Variants in DNAH12 observed in about 807,000 individuals in gnomAD.
The protein encoded by DNAH12 is dynein axonemal heavy chain 12.
DNAH12 carries 285 observed loss-of-function variants against 371.5 expected under a neutral mutation model. That is an observed-to-expected ratio of 0.77 (90% confidence interval 0.70 to 0.85). The LOEUF (loss-of-function observed/expected upper bound fraction) is 0.85. Among genes scored for constraint, DNAH12 ranks in the 40% least tolerant of loss-of-function variants. DNAH12 has a pLI of 0.00. For synonymous variants in DNAH12, 1,200 were observed against 1,213.0 expected (o/e 0.99, Z 0.22); for missense variants, 3,611 against 3,689.4 (o/e 0.98, Z 0.55).
chr3:57,549,516 A>AT, the DNAH12 span, among the ~76,000 whole-genome samples: 1 of 151,992 alleles, frequency 6.6e-6, no homozygotes, highest in Non-Finnish European at 1.5e-5. Flanking sequence ...GACCCAAAAA[A>AT]TTTTTTTAAA....
chr3:57,322,970 A>C, intron 64 of DNAH12, 37 bp downstream of exon 64: 3 of 1,541,632 alleles, frequency 1.9e-6, no homozygotes, highest in Non-Finnish European at 2.6e-6. Flanking sequence ...CAGATAGCTA[A>C]GTAAATGTAC....
intron 62 of DNAH12, among the ~76,000 whole-genome samples, chr3:57,326,994 C>G (rs1201851715): frequency 6.6e-6 from 1 of 152,114 alleles, no homozygotes; most frequent in East Asian, 1.9e-4. Context: ...GGGATCAATT[C>G]AACAAGAAGA....
At chr3:57,325,962 G>A (rs537151809) in intron 62 of DNAH12, among the ~76,000 whole-genome samples, 47 of 152,242 alleles carry the variant, frequency 3.1e-4, no homozygotes, top group Non-Finnish European at 5.9e-4. Context: ...GGAAGAAAGG[G>A]TATCAGTGAT....
At chr3:57,387,956 A>G (rs2063529660) in intron 45 of DNAH12, among the ~76,000 whole-genome samples, 1 of 152,086 alleles carries the variant, frequency 6.6e-6, no homozygotes, top group Non-Finnish European at 1.5e-5. Context: ...TTCATATGAC[A>G]GTTAAAAAAC....
intron 56 of DNAH12, among the ~76,000 whole-genome samples, chr3:57,367,729 T>C (rs898607007): frequency 7.9e-5 from 12 of 152,204 alleles, no homozygotes; most frequent in Middle Eastern, 6.8e-3. Flanking sequence ...ACCATCACTA[T>C]TCATAACAAC....
intron 60 of DNAH12, among the ~76,000 whole-genome samples, chr3:57,342,289 C>T (rs2062419623): frequency 6.6e-6 from 1 of 151,734 alleles, no homozygotes; most frequent in Non-Finnish European, 1.5e-5. Flanking sequence ...ACTAAAAAAG[C>T]TTCTGCACAC....
chr3:57,500,164 C>G (rs561062006), intron 11 of DNAH12, among the ~76,000 whole-genome samples: 7 of 146,682 alleles, frequency 4.8e-5, no homozygotes, highest in South Asian at 2.1e-4. Context: ...CTCAGCCCCC[C>G]CTAGTAGCTG....
At chr3:57,513,910 T>C (rs544456050) in intron 4 of DNAH12, among the ~76,000 whole-genome samples, 2 of 152,242 alleles carry the variant, frequency 1.3e-5, no homozygotes, top group African/African-American at 4.8e-5. Context: ...GAAGTCCCAC[T>C]TAGAGAAATT....
At chr3:57,522,840 T>C (rs973806628) in intron 4 of DNAH12, among the ~76,000 whole-genome samples, 2 of 137,750 alleles carry the variant, frequency 1.5e-5, no homozygotes, top group African/African-American at 5.2e-5. Context: ...AGTCAGTGTC[T>C]TTTTTTTTTT....
At chr3:57,418,340 G>A (rs2064448170) in intron 37 of DNAH12, among the ~76,000 whole-genome samples, 1 of 113,904 alleles carries the variant, frequency 8.8e-6, no homozygotes, top group African/African-American at 3.4e-5. Context: ...AGGTGTTCAA[G>A]ATGAGTCTGG....
intron 62 of DNAH12, among the ~76,000 whole-genome samples, chr3:57,324,618 G>C (rs553361260): frequency 7.9e-5 from 12 of 152,134 alleles, no homozygotes; most frequent in Non-Finnish European, 1.3e-4. Flanking sequence ...GAACAGCTCC[G>C]GTCTACAGCT....
intron 11 of DNAH12, 28 bp from the exon 12 acceptor site, chr3:57,489,715 A>C: frequency 6.8e-7 from 1 of 1,477,436 alleles, no homozygotes; most frequent in Non-Finnish European, 8.9e-7. Flanking sequence ...AAATGAAAAA[A>C]AAAATGTTTA....
In DNAH12 at chr3:57,502,403, A is replaced by C. The variant is rs781405803; in HGVS notation, c.1163T>G (p.Val388Gly). 6.8e-5 allele frequency: 109 copies of C among 1,614,042 alleles called. No individual in the cohort carries two copies. Among genetic ancestry groups the C allele is most frequent in the South Asian group, 2.5e-4 (23 of 91,088 alleles). ...VNLDTELPEHVLHWAVDTLKA... is the reference protein window; with the variant it reads ...VNLDTELPEHGLHWAVDTLKA... ...CAGTGTATCAACAGCCCAGTGTAAC[A>C]CGTGTTCAGGAAGTTCTGTGTCAAG... Residue 388 changes from valine to glycine, a missense_variant, in exon 10 of 74, where the codon GTG becomes GGG. Around this residue, in one of 3 missense-constraint regions of DNAH12, gnomAD observed 1,314 missense variants for 1,398.7 expected, o/e 0.94. Transcript: ENST00000495027.
chr3:57,309,111 G>A (rs1470375434), intron 69 of DNAH12, 40 bp downstream of exon 69: 5 of 1,416,534 alleles, frequency 3.5e-6, no homozygotes, highest in Non-Finnish European at 4.7e-6. Context: ...AATATAAGAA[G>A]ACAGTTGCCT....
the DNAH12 span, among the ~76,000 whole-genome samples, chr3:57,553,060 C>T: frequency 2.0e-5 from 3 of 151,966 alleles, no homozygotes; most frequent in Admixed American, 6.6e-5. Flanking sequence ...CCTGTAATCC[C>T]CGCTACTCAG....
At chr3:57,359,695 T>TA (rs2062880992) in intron 58 of DNAH12, among the ~76,000 whole-genome samples, 3 of 151,728 alleles carry the variant, frequency 2.0e-5, no homozygotes, top group Admixed American at 1.3e-4. Context: ...TTTCCAAAAA[T>TA]AAAAAAGACT....
In DNAH12 at chr3:57,501,363, C is replaced by G; in HGVS notation, c.1293G>C (p.Glu431Asp). Residue 431 changes from glutamate (E) to aspartate (D), a missense_variant, in exon 11 of 74, where the codon GAG becomes GAC. Physicochemically the swap from Glu to Asp is conservative, Grantham distance 45 (BLOSUM62 2). Coordinates refer to ENST00000495027, the MANE Select transcript of DNAH12 (RefSeq NM_001366028.2). ...AAGTATGATCTTCTGTCTGAAAAGTCTCTATATTCTCAACTGCAGTCCCAT... is the reference window on the plus strand; with the variant it reads ...AAGTATGATCTTCTGTCTGAAAAGTGTCTATATTCTCAACTGCAGTCCCAT... ...LLDGTAVENI[E>D]TFQTEDHTFD... The G allele has an allele frequency of 1.3e-6, 2 of 1,595,932 alleles. No individual in the cohort carries two copies. Among genetic ancestry groups the G allele is most frequent in the Non-Finnish European group, 1.7e-6 (2 of 1,175,164 alleles).
chr3:57,401,563 C>CAAAAAAAA (rs71294714), intron 43 of DNAH12, among the ~76,000 whole-genome samples: 3 of 67,992 alleles, frequency 4.4e-5, no homozygotes, highest in Non-Finnish European at 5.2e-5. Context: ...GACTCCATCT[C>CAAAAAAAA]AAAAAAAAAA....
intron 29 of DNAH12, among the ~76,000 whole-genome samples, chr3:57,442,282 CT>C (rs11335744): frequency 0.42 from 63,360 of 149,188 alleles, 14,919 homozygotes; most frequent in South Asian, 0.57. Flanking sequence ...GCGTAAGAGG[CT>C]TTTTTTTTTC....
Sources: allele counts gnomAD v4.1 joint callset (sites outside exome capture counted in the v4.1 genomes callset), GRCh38; gene constraint gnomAD v4.1.1; regional missense constraint gnomAD v4.1.1; transcripts MANE v1.5; gene names NCBI Gene and HGNC (gene_info 2026-07-23, HGNC 2026-07-21).